The following GRM8 variants were observed in gnomAD, a reference collection of about 807,000 sequenced individuals.
GRM8 encodes the protein glutamate metabotropic receptor 8, also known as metabotropic glutamate receptor 8.
Under a neutral mutation model 87.2 loss-of-function variants are expected in GRM8, and 47 were observed. The observed-to-expected ratio is 0.54, with a 90% CI of 0.43 to 0.69. The LOEUF (loss-of-function observed/expected upper bound fraction) is 0.69. Among genes scored for constraint, GRM8 ranks in the 30% least tolerant of loss-of-function variants. GRM8 has a pLI of 0.00. For missense variants in GRM8, 1,019 were observed against 1,139.2 expected (o/e 0.89, Z 1.52); for synonymous variants, 396 against 404.5 (o/e 0.98, Z 0.25).
intron 6 of GRM8, among the ~76,000 whole-genome samples, chr7:126,794,928 T>C (rs1303216842): frequency 1.3e-5 from 2 of 152,162 alleles, no homozygotes; most frequent in Non-Finnish European, 2.9e-5. Context: ...CTGGAAAATT[T>C]ATAAAAACAC....
intron 6 of GRM8, among the ~76,000 whole-genome samples, chr7:126,810,985 G>A (rs1193851288): frequency 2.0e-5 from 3 of 152,072 alleles, no homozygotes; most frequent in African/African-American, 7.2e-5. Flanking sequence ...TTTTCTTCAA[G>A]TATTGTTATA....
At chr7:126,582,238 T>TA (rs1186542640) in intron 8 of GRM8, among the ~76,000 whole-genome samples, 2 of 152,154 alleles carry the variant, frequency 1.3e-5, no homozygotes, top group Non-Finnish European at 2.9e-5. Flanking sequence ...TTATTGCTGA[T>TA]ATGGAGAAAG....
intron 6 of GRM8, among the ~76,000 whole-genome samples, chr7:126,850,960 A>G (rs1361788672): frequency 6.6e-6 from 1 of 152,092 alleles, no homozygotes; most frequent in Non-Finnish European, 1.5e-5. Flanking sequence ...TATACTGAAT[A>G]TTCTCAAATT....
At chr7:126,515,688 C>CA (rs1331068817) in intron 9 of GRM8, among the ~76,000 whole-genome samples, 2 of 152,070 alleles carry the variant, frequency 1.3e-5, no homozygotes, top group African/African-American at 2.4e-5. Context: ...CTCATGGCCC[C>CA]TTCCATCTTC....
intron 8 of GRM8, among the ~76,000 whole-genome samples, chr7:126,603,085 G>A (rs1433961430): frequency 2.7e-5 from 4 of 145,620 alleles, no homozygotes; most frequent in East Asian, 2.0e-4. Flanking sequence ...TTCAATATAC[G>A]CAAATCAATA....
intron 8 of GRM8, among the ~76,000 whole-genome samples, chr7:126,556,796 G>A: frequency 6.6e-6 from 1 of 151,890 alleles, no homozygotes; most frequent in East Asian, 1.9e-4. Context: ...ATGTATTTTT[G>A]TTCCAAAAAT....
chr7:126,449,615 TC>T (rs929004100), intron 9 of GRM8, among the ~76,000 whole-genome samples: 2 of 151,816 alleles, frequency 1.3e-5, no homozygotes, highest in African/African-American at 4.8e-5. Flanking sequence ...TAATCTCACT[TC>T]AATGTAGACA....
At chr7:126,819,401 C>A (rs1794094856) in intron 6 of GRM8, among the ~76,000 whole-genome samples, 2 of 152,104 alleles carry the variant, frequency 1.3e-5, no homozygotes, top group Admixed American at 1.3e-4. Context: ...CACATTCCTA[C>A]AAATACACTC....
intron 3 of GRM8, among the ~76,000 whole-genome samples, chr7:127,025,245 G>A (rs1186166157): frequency 1.3e-5 from 2 of 152,026 alleles, no homozygotes; most frequent in Non-Finnish European, 2.9e-5. Flanking sequence ...TCTTTTGATA[G>A]AGAGTGGAGT....
intron 7 of GRM8, among the ~76,000 whole-genome samples, chr7:126,660,059 T>G (rs149862621): frequency 2.0e-5 from 3 of 152,318 alleles, no homozygotes; most frequent in African/African-American, 7.2e-5. Context: ...GTAGCTAAAT[T>G]TTTTCCTTCA....
At chr7:126,684,503 T>C (rs772490101) in intron 7 of GRM8, among the ~76,000 whole-genome samples, 4 of 152,156 alleles carry the variant, frequency 2.6e-5, no homozygotes, top group Non-Finnish European at 5.9e-5. Flanking sequence ...AGGGCCTTGA[T>C]TATCTACCAT....
At chr7:127,145,261 T>C (rs1278163879) in intron 2 of GRM8, among the ~76,000 whole-genome samples, 2 of 152,172 alleles carry the variant, frequency 1.3e-5, no homozygotes, top group African/African-American at 4.8e-5. Flanking sequence ...AACATTTCCC[T>C]TTTATGTACT....
At chr7:126,743,128 G>A (rs1815207684) in intron 7 of GRM8, among the ~76,000 whole-genome samples, 1 of 152,136 alleles carries the variant, frequency 6.6e-6, no homozygotes, top group South Asian at 2.1e-4. Context: ...CTAAATGAAA[G>A]TGTGCTTTGA....
chr7:127,227,234 C>T (rs2106149), intron 2 of GRM8, among the ~76,000 whole-genome samples: 89,814 of 152,048 alleles, frequency 0.59, 29,362 homozygotes, highest in African/African-American at 0.89. Context: ...CGACCAAGTC[C>T]ACCCCCAAAA....
intron 2 of GRM8, among the ~76,000 whole-genome samples, chr7:127,192,239 T>C (rs1795066547): frequency 1.3e-5 from 2 of 152,222 alleles, no homozygotes; most frequent in South Asian, 4.1e-4. Flanking sequence ...GAAGAACATA[T>C]GTTTTATGCT....
At chr7:127,076,657 G>A (rs1007571013) in intron 3 of GRM8, among the ~76,000 whole-genome samples, 12 of 152,120 alleles carry the variant, frequency 7.9e-5, no homozygotes, top group South Asian at 4.2e-4. Context: ...GGTAGGGACC[G>A]CCCAGGAATC....
intron 8 of GRM8, among the ~76,000 whole-genome samples, chr7:126,609,140 A>C (rs1463975971): frequency 1.3e-5 from 2 of 152,318 alleles, no homozygotes; most frequent in Admixed American, 6.5e-5. Flanking sequence ...CTGCAGGAAA[A>C]AAATCAGATC....
chr7:127,010,113 G>A (rs187653869), intron 3 of GRM8, among the ~76,000 whole-genome samples: 1 of 152,248 alleles, frequency 6.6e-6, no homozygotes, highest in African/African-American at 2.4e-5. Flanking sequence ...AAAGTGCTGG[G>A]ATTATAGGCA....
At chr7:127,010,091 C>T (rs1563408235) in intron 3 of GRM8, among the ~76,000 whole-genome samples, 2 of 152,260 alleles carry the variant, frequency 1.3e-5, no homozygotes, top group South Asian at 2.1e-4. Flanking sequence ...GATCCGACTG[C>T]CTCAGCCTCC....
Sources: allele counts gnomAD v4.1 joint callset (sites outside exome capture counted in the v4.1 genomes callset), GRCh38; gene constraint gnomAD v4.1.1; transcripts MANE v1.5; gene names NCBI Gene and HGNC (gene_info 2026-07-23, HGNC 2026-07-21).